RBFOX1: variants seen among roughly 807,000 people sequenced by gnomAD.
RBFOX1 encodes the protein RNA binding fox-1 homolog 1.
RBFOX1 carries 8 observed loss-of-function variants against 57.7 expected under a neutral mutation model. That is an observed-to-expected ratio of 0.14 (90% CI 0.08 to 0.25). The LOEUF (loss-of-function observed/expected upper bound fraction) is 0.25, where lower values mean the gene tolerates loss of function less well. Ranked by LOEUF, RBFOX1 falls within the 10% of genes least tolerant of loss-of-function variation. The pLI is 1.00. For missense variants in RBFOX1, 611 were observed against 548.5 expected (o/e 1.11, Z -1.14); for synonymous variants, 326 against 222.4 (o/e 1.47, Z -4.15).
intron 3 of RBFOX1, among the ~76,000 whole-genome samples, chr16:6,980,929 A>G (rs958672736): frequency 1.3e-5 from 2 of 150,638 alleles, no homozygotes; most frequent in African/African-American, 4.9e-5. Context: ...TGTAATCCCA[A>G]TTAATCGGGA....
At chr16:6,864,017 C>G (rs1450455260) in intron 3 of RBFOX1, among the ~76,000 whole-genome samples, 1 of 143,156 alleles carries the variant, frequency 7.0e-6, no homozygotes, top group African/African-American at 2.6e-5. Flanking sequence ...TGAGATTATG[C>G]CTTGCAAAAC....
chr16:6,727,631 A>G (rs1180405583), intron 3 of RBFOX1, among the ~76,000 whole-genome samples: 2 of 152,102 alleles, frequency 1.3e-5, no homozygotes, highest in Non-Finnish European at 1.5e-5. Flanking sequence ...AATTTGGGAT[A>G]GGGTCTTCTA....
At chr16:7,304,628 C>A (rs546343862) in intron 4 of RBFOX1, 2 of 970,968 alleles carry the variant, frequency 2.1e-6, no homozygotes, top group Non-Finnish European at 2.4e-6. Context: ...TGGATGGAAG[C>A]CTCCTGCTCT....
chr16:6,957,198 C>G (rs59635457), intron 3 of RBFOX1, among the ~76,000 whole-genome samples: 39,402 of 149,420 alleles, frequency 0.26, 6,168 homozygotes, highest in African/African-American at 0.44. Flanking sequence ...GTGGTGTGAT[C>G]TCGGCTCACT....
chr16:5,284,756 A>AATTTTTTTTTTTTTT (rs1303967371), intron 1 of RBFOX1, among the ~76,000 whole-genome samples: 2 of 61,032 alleles, frequency 3.3e-5, no homozygotes, highest in Admixed American at 2.3e-4. Context: ...TTTGGCTTAG[A>AATTTTTTTTTTTTTT]TTTTTTTTTT....
intron 3 of RBFOX1, among the ~76,000 whole-genome samples, chr16:7,043,366 T>C (rs1319052232): frequency 6.6e-6 from 1 of 152,186 alleles, no homozygotes; most frequent in Non-Finnish European, 1.5e-5. Context: ...GTCATTTAGA[T>C]ACACACCCCC....
At position 6,135,930 on chromosome 16, in the gene RBFOX1, G is replaced by A. The variant is rs549626006; in HGVS notation, c.-127+115938G>A. ...CTGCCTCAGCCTCCCCAGTAGCTGG[G>A]AGTATAGGTGCCCGCCACCATACCC... is the stretch of plus-strand genomic sequence containing the variant. On this transcript the variant is annotated intron_variant, in intron 1 of 15. Transcript: ENST00000550418. Among the ~76,000 whole-genome samples, 10 of 151,776 alleles carry A rather than the reference G, an allele frequency of 6.6e-5. No homozygotes were observed. The East Asian group carries it at 1.6e-3, about 24-fold the overall frequency.
chr16:7,342,941 T>A (rs2096926058), intron 4 of RBFOX1, among the ~76,000 whole-genome samples: 2 of 152,146 alleles, frequency 1.3e-5, no homozygotes, highest in South Asian at 4.1e-4. Flanking sequence ...GGAGAGTTGA[T>A]CAGTTTCAAT....
intron 2 of RBFOX1, among the ~76,000 whole-genome samples, chr16:6,605,754 G>T (rs1411459184): frequency 6.6e-6 from 1 of 152,188 alleles, no homozygotes; most frequent in Non-Finnish European, 1.5e-5. Context: ...CGTGGAGGTT[G>T]CATTTAGACG....
At chr16:6,372,156 G>A (rs1278318299) in intron 2 of RBFOX1, among the ~76,000 whole-genome samples, 1 of 152,054 alleles carries the variant, frequency 6.6e-6, no homozygotes, top group African/African-American at 2.4e-5. Flanking sequence ...ATCCTGGGTA[G>A]GAGGGTTGTT....
intron 1 of RBFOX1, among the ~76,000 whole-genome samples, chr16:6,130,788 A>G (rs1429799120): frequency 1.3e-5 from 2 of 152,182 alleles, no homozygotes; most frequent in Non-Finnish European, 2.9e-5. Flanking sequence ...GAGACATTTC[A>G]GAATGATCAA....
chr16:6,995,884 C>T (rs146372930), intron 3 of RBFOX1, among the ~76,000 whole-genome samples: 168 of 152,292 alleles, frequency 1.1e-3, no homozygotes, highest in African/African-American at 3.8e-3. Context: ...TCTGCATCCT[C>T]CTATGTTTGA....
intron 2 of RBFOX1, among the ~76,000 whole-genome samples, chr16:6,397,768 T>G (rs1030791240): frequency 1.3e-5 from 2 of 152,306 alleles, no homozygotes; most frequent in East Asian, 1.9e-4. Context: ...TGTTGAAAAT[T>G]TTTTACACTT....
intron 4 of RBFOX1, among the ~76,000 whole-genome samples, chr16:7,062,546 C>A (rs1189016520): frequency 6.6e-6 from 1 of 152,066 alleles, no homozygotes; most frequent in African/African-American, 2.4e-5. Flanking sequence ...CTTTATTATT[C>A]TATTTGGGTT....
At chr16:6,967,375 A>AT (rs1191556334) in intron 3 of RBFOX1, among the ~76,000 whole-genome samples, 1 of 152,140 alleles carries the variant, frequency 6.6e-6, no homozygotes, top group Non-Finnish European at 1.5e-5. Context: ...AGCAGGGAAG[A>AT]GATTAGAGGG....
chr16:6,684,043 G>C (rs1220851401), intron 3 of RBFOX1, among the ~76,000 whole-genome samples: 1 of 152,128 alleles, frequency 6.6e-6, no homozygotes, highest in East Asian at 1.9e-4. Flanking sequence ...AGCAACCTGT[G>C]GGCATCCTCA....
chr16:7,557,588 C>A (rs905222276), intron 5 of RBFOX1, among the ~76,000 whole-genome samples: 5 of 125,944 alleles, frequency 4.0e-5, no homozygotes, highest in Non-Finnish European at 6.3e-5. Flanking sequence ...CCACTGCACT[C>A]CAGCCTGGGA....
At chr16:6,725,341 G>A (rs769262206) in intron 3 of RBFOX1, among the ~76,000 whole-genome samples, 3 of 151,656 alleles carry the variant, frequency 2.0e-5, no homozygotes, top group Admixed American at 6.6e-5. Context: ...TTGAGCCACC[G>A]CGCCCGGCCG....
At chr16:5,557,859 A>G (rs2045738745) in intron 2 of RBFOX1, among the ~76,000 whole-genome samples, 1 of 152,230 alleles carries the variant, frequency 6.6e-6, no homozygotes, top group Admixed American at 6.5e-5. Context: ...CTGGCCCCGT[A>G]TAAACTCAAG....
Sources: allele counts gnomAD v4.1 joint callset (sites outside exome capture counted in the v4.1 genomes callset), GRCh38; gene constraint gnomAD v4.1.1; transcripts MANE v1.5; gene names NCBI Gene and HGNC (gene_info 2026-07-23, HGNC 2026-07-21).